Variants in BLZF1 observed in about 807,000 individuals in gnomAD.
The protein encoded by BLZF1 is basic leucine zipper nuclear factor 1, also known as golgin-45.
A neutral mutation model predicts 43.8 loss-of-function variants in BLZF1; 39 were observed. The ratio of observed to expected loss-of-function variants is 0.89; its 90% CI spans 0.69 to 1.16. The LOEUF (loss-of-function observed/expected upper bound fraction) is 1.16, where lower values mean the gene tolerates loss of function less well. BLZF1 is among the 50% of genes most tolerant of loss of function. The pLI is 0.00. For missense variants in BLZF1, 449 were observed against 469.8 expected (o/e 0.96, Z 0.41); for synonymous variants, 136 against 159.4 (o/e 0.85, Z 1.11).
intron 5 of BLZF1, among the ~76,000 whole-genome samples, chr1:169,381,803 T>A (rs979089374): frequency 6.6e-6 from 1 of 152,134 alleles, no homozygotes; most frequent in African/African-American, 2.4e-5. Context: ...ATGTAAGTAG[T>A]TCCTATACTA....
chr1:169,387,077 A>C lies in BLZF1; in HGVS notation c.1098A>C (p.Leu366Phe). 1 of 1,613,444 alleles carries C rather than the reference A, an allele frequency of 6.2e-7. No individual in the cohort carries two copies. Among genetic ancestry groups the C allele is most frequent in the South Asian group, 1.1e-5 (1 of 91,016 alleles). The change falls in exon 7 of 7, where the codon TTA becomes TTC. Residue 366 changes from leucine to phenylalanine, a missense_variant. Transcript: ENST00000367808. ...TTTTTGAGTCTTCACCAACCACCTT[A>C]CTTGCTACAAAGAAAAATATTGGAC... ...NPFFESSPTT[L>F]LATKKNIGRF...
chr1:169,380,367 A>T, intron 4 of BLZF1, 114 bp from the exon 5 acceptor site: 1 of 922,402 alleles, frequency 1.1e-6, no homozygotes, highest in East Asian at 3.0e-5. Context: ...TGAAGTAACT[A>T]TACTGTTAAA....
chr1:169,380,358 G>T, intron 4 of BLZF1, 123 bp from the exon 5 acceptor site: 1 of 806,664 alleles, frequency 1.2e-6, no homozygotes, highest in Non-Finnish European at 1.7e-6. Flanking sequence ...TAAAAACTGT[G>T]AAGTAACTAT....
chr1:169,369,639 C>T (rs143597787), intron 2 of BLZF1, 89 bp downstream of exon 2: 1,012 of 906,820 alleles, frequency 1.1e-3, no homozygotes, highest in Non-Finnish European at 1.5e-3. Context: ...ATCTCATGGA[C>T]CCCCTTGGGA....
chr1:169,395,303 C>G, intron 7 of BLZF1: 2 of 1,087,874 alleles, frequency 1.8e-6, no homozygotes, highest in Non-Finnish European at 2.5e-6. Context: ...ATGGACATTT[C>G]TTTACAATGA....
chr1:169,372,309 A>G (rs1006946169), intron 2 of BLZF1, among the ~76,000 whole-genome samples: 1 of 152,288 alleles, frequency 6.6e-6, no homozygotes, highest in South Asian at 2.1e-4. Context: ...CTTTCAGACT[A>G]TAACCAAGTT....
At chr1:169,395,068 A>AAC (rs1654934942) in intron 7 of BLZF1, 1 of 1,598,706 alleles carries the variant, frequency 6.3e-7, no homozygotes, top group Non-Finnish European at 8.5e-7. Context: ...GATCAGTAAA[A>AAC]CGAAAAGGTT....
Position 169,387,202 on chromosome 1 carries a change from A to G in BLZF1, c.*20A>G. 6.2e-7 allele frequency: 1 copy of G among 1,602,064 alleles called. No individual in the cohort carries two copies. Reference sequence around the variant, plus strand: ...CTTTAACAGTCAATATGTTGGAGGCATGCTAAGGTACTTCCTTATTACCCA... The same window carrying G: ...CTTTAACAGTCAATATGTTGGAGGCGTGCTAAGGTACTTCCTTATTACCCA... On this transcript the variant is annotated 3_prime_UTR_variant, in exon 7 of 7. Transcript: ENST00000367808.
chr1:169,368,753 C>T (rs1374705798), intron 1 of BLZF1, among the ~76,000 whole-genome samples: 1 of 151,994 alleles, frequency 6.6e-6, no homozygotes, highest in Non-Finnish European at 1.5e-5. Flanking sequence ...AGTTAGTCGT[C>T]GGGTTCACTA....
chr1:169,380,629 T>G lies in BLZF1; in HGVS notation c.797+20T>G. 1 of 1,608,476 alleles carries G rather than the reference T, an allele frequency of 6.2e-7. No individual in the cohort carries two copies. Among genetic ancestry groups the G allele is most frequent in the Middle Eastern group, 1.7e-4 (1 of 6,028 alleles). ...CCAGAAGTATGGCACTTGTTTACAT[T>G]CTGAACTCTTCTGCTTTCTCCTGCA... On this transcript the variant is annotated intron_variant, in intron 5 of 6. Coordinates refer to ENST00000367808, the MANE Select transcript of BLZF1 (RefSeq NM_001320973.2).
chr1:169,380,476 T>G lies in BLZF1; in HGVS notation c.669-5T>G, dbSNP rs1426261019. On this transcript the variant is annotated splice_region_variant and splice_polypyrimidine_tract_variant and intron_variant, in intron 4 of 6. Coordinates refer to ENST00000367808, the MANE Select transcript of BLZF1 (RefSeq NM_001320973.2). ...ATTTATATGTAAGATTTTAATCTTTTTCAGGGTAATGGCAGATGAGTTAAC... is the reference window on the plus strand; with the variant it reads ...ATTTATATGTAAGATTTTAATCTTTGTCAGGGTAATGGCAGATGAGTTAAC... 6.2e-7 allele frequency: 1 copy of G among 1,606,660 alleles called. No homozygotes were observed.
Position 169,377,839 on chromosome 1 carries a change from G to A in BLZF1, c.469-491G>A, listed in dbSNP as rs1168424739. Among the ~76,000 whole-genome samples the A allele has an allele frequency of 4.0e-5, 6 of 151,842 alleles. No homozygotes were observed. The East Asian group carries it at 1.2e-3, about 29-fold the overall frequency. On this transcript the variant is annotated intron_variant, in intron 3 of 6. Transcript: ENST00000367808. ...TACCATATACCAATAACTGTTATTG[G>A]ATATCTTTTAATTTTTTGCTCTTTT...
In BLZF1 at chr1:169,380,611, T is replaced by C; in HGVS notation, c.797+2T>C. Reference sequence around the variant, plus strand: ...TCAAGAAATGATAGCTACCCAGAAGTATGGCACTTGTTTACATTCTGAACT... The same window carrying C: ...TCAAGAAATGATAGCTACCCAGAAGCATGGCACTTGTTTACATTCTGAACT... On this transcript the variant is annotated splice_donor_variant, in intron 5 of 6. Transcript: ENST00000367808. LOFTEE classifies it high-confidence loss of function. 1 of 1,612,166 alleles carries C rather than the reference T, an allele frequency of 6.2e-7. No homozygotes were observed. Among genetic ancestry groups the C allele is most frequent in the Non-Finnish European group, 8.5e-7 (1 of 1,178,610 alleles).
At chr1:169,376,450 G>C in intron 2 of BLZF1, 90 bp from the exon 3 acceptor site, 1 of 1,084,822 alleles carries the variant, frequency 9.2e-7, no homozygotes, top group Non-Finnish European at 1.2e-6. Flanking sequence ...TTTAGTGCCA[G>C]TAATTTTGAA....
chr1:169,369,369 G>T, intron 1 of BLZF1, 104 bp from the exon 2 acceptor site: 1 of 556,658 alleles, frequency 1.8e-6, no homozygotes, highest in Non-Finnish European at 3.1e-6. Flanking sequence ...AAATGCATGC[G>T]TACTAAATAC....
chr1:169,395,238 G>A (rs186016608), intron 7 of BLZF1: 66 of 1,577,608 alleles, frequency 4.2e-5, no homozygotes, highest in Non-Finnish European at 5.5e-5. Context: ...GATTTGGTGA[G>A]TATCAACCTG....
chr1:169,390,906 CA>C (rs750486952), downstream of BLZF1, among the ~76,000 whole-genome samples: 10 of 152,164 alleles, frequency 6.6e-5, no homozygotes, highest in Non-Finnish European at 1.3e-4. Flanking sequence ...TGCACACATG[CA>C]CACATACATT....
At chr1:169,383,626 T>C (rs1301672021) in intron 6 of BLZF1, among the ~76,000 whole-genome samples, 3 of 152,214 alleles carry the variant, frequency 2.0e-5, no homozygotes, top group Non-Finnish European at 4.4e-5. Context: ...TTTACTATCA[T>C]ATTATACTGT....
At position 169,373,582 on chromosome 1, in the gene BLZF1, C is replaced by T. The variant is rs527423990; in HGVS notation, c.29-2958C>T. On this transcript the variant is annotated intron_variant, in intron 2 of 6. Coordinates refer to ENST00000367808, the MANE Select transcript of BLZF1 (RefSeq NM_001320973.2). Reference sequence around the variant, plus strand: ...AGCTAGAATCATAGTTATTACTGAGCGGGAGCTCTCACGTAATATATAATA... The same window carrying T: ...AGCTAGAATCATAGTTATTACTGAGTGGGAGCTCTCACGTAATATATAATA... Among the ~76,000 whole-genome samples the T allele has an allele frequency of 9.5e-4, 144 of 152,174 alleles. 1 individual carries two copies. Among genetic ancestry groups the T allele is most frequent in the African/African-American group, 3.3e-3 (139 of 41,498 alleles).
Sources: gnomAD v4.1 joint callset for allele counts (sites outside exome capture counted in the v4.1 genomes callset) on GRCh38, gnomAD v4.1.1 for gene constraint, MANE v1.5 for transcripts, NCBI Gene and HGNC (gene_info 2026-07-23, HGNC 2026-07-21) for gene names.